The following CROCC variants were observed in gnomAD, a reference collection of about 807,000 sequenced individuals.
CROCC encodes rootletin.
In CROCC, 180 loss-of-function variants were observed where a neutral mutation model predicts 245.2. The observed-to-expected ratio is 0.73, with a 90% CI of 0.65 to 0.83. The LOEUF is 0.83. CROCC is among the 40% of genes least tolerant of loss of function. CROCC has a pLI of 0.00. For missense variants in CROCC, 2,688 were observed against 2,779.4 expected (o/e 0.97, Z 0.74); for synonymous variants, 1,205 against 1,241.6 (o/e 0.97, Z 0.62).
upstream of CROCC, among the ~76,000 whole-genome samples, chr1:16,920,813 G>C (rs1380919966): frequency 1.2e-4 from 18 of 146,796 alleles, no homozygotes; most frequent in Admixed American, 1.2e-3. Flanking sequence ...GCGCGATCTT[G>C]GCTCACTGCA....
chr1:16,956,814 C>T (rs531630618), intron 25 of CROCC, among the ~76,000 whole-genome samples: 8 of 152,096 alleles, frequency 5.3e-5, no homozygotes, highest in East Asian at 3.9e-4. Context: ...TTCGCTGACC[C>T]GTGAATTCGA....
At chr1:16,970,865 AC>A in intron 35 of CROCC, 98 bp downstream of exon 35, 2 of 1,362,696 alleles carry the variant, frequency 1.5e-6, no homozygotes, top group Non-Finnish European at 1.9e-6. Flanking sequence ...AGGGCCCATA[AC>A]CCCCTCCCCC....
Position 16,972,473 on chromosome 1 carries a change from C to T in CROCC, c.*27C>T. 1.3e-6 allele frequency: 2 copies of T among 1,583,894 alleles called. No homozygotes were observed. Among genetic ancestry groups the T allele is most frequent in the Admixed American group, 1.7e-5 (1 of 58,754 alleles). On this transcript the variant is annotated 3_prime_UTR_variant, in exon 37 of 37. Transcript: ENST00000375541. Reference sequence around the variant, plus strand: ...CTCCTGCTGGCATCTGGAGAACACCCCTGTGCCTGGGACAGGGGAGGACCC... The same window carrying T: ...CTCCTGCTGGCATCTGGAGAACACCTCTGTGCCTGGGACAGGGGAGGACCC...
At chr1:16,942,756 TA>T (rs1181133391) in intron 13 of CROCC, among the ~76,000 whole-genome samples, 1 of 152,276 alleles carries the variant, frequency 6.6e-6, no homozygotes, top group African/African-American at 2.4e-5. Context: ...AAGGTCTTTT[TA>T]AGCAGTTGTG....
rs142953060 is a variant in CROCC, at chr1:16,930,481, G to C, written c.736G>C (p.Ala246Pro). 5.6e-4 allele frequency: 897 copies of C among 1,612,328 alleles called. No homozygotes were observed. The highest frequency in any genetic ancestry group is 5.6e-4 in the Non-Finnish European group (661 of 1,179,750). Residue 246 changes from alanine to proline, a missense_variant, in exon 7 of 37, where the codon GCA becomes CCA. This residue lies in a region of CROCC where 972 missense variants were observed against 895.3 expected (regional missense o/e 1.09). Transcript: ENST00000375541. ...CATGCTCCGAGAACAGCTGGACCAG[G>C]CAGGCTCGGCCAACCAGGCTCTGAG... ...NAMLREQLDQ[A>P]GSANQALSED...
chr1:16,923,775 G>A (rs1466777309), intron 2 of CROCC, among the ~76,000 whole-genome samples: 4 of 144,296 alleles, frequency 2.8e-5, no homozygotes, highest in African/African-American at 7.7e-5. Context: ...CCACCTCCCC[G>A]GTTCAAGTGA....
Position 16,939,160 on chromosome 1 carries a change from C to T in CROCC, c.1608+18C>T, listed in dbSNP as rs748060981. On this transcript the variant is annotated intron_variant, in intron 12 of 36. Coordinates refer to ENST00000375541, the MANE Select transcript of CROCC (RefSeq NM_014675.5). ...AGGTCCAGGTAGGAAGGGGCTTGAG[C>T]GTTCTGGGCGCAGCCAGAGGCCTGG... 1.5e-6 allele frequency: 2 copies of T among 1,333,038 alleles called. No homozygotes were observed. The highest frequency in any genetic ancestry group is 1.5e-5 in the South Asian group (1 of 67,012). The allele number at this position is 1,333,038 out of a possible 1,614,324, so 82.6% of individuals were successfully genotyped here.
chr1:16,955,924 G>A (rs1344853341), intron 24 of CROCC, 73 bp from the exon 25 acceptor site: 2 of 1,525,700 alleles, frequency 1.3e-6, no homozygotes, highest in East Asian at 4.9e-5. Flanking sequence ...AGAAATTGGA[G>A]GAGACGGCTT....
At chr1:16,944,971 G>A (rs1488233429) in intron 14 of CROCC, among the ~76,000 whole-genome samples, 12 of 152,268 alleles carry the variant, frequency 7.9e-5, no homozygotes, top group Admixed American at 1.3e-4. Context: ...AGTGGCTCAC[G>A]CCTGTAATCC....
rs370391460 is a variant in CROCC at position 16,938,998 on chromosome 1, G to A, written c.1464G>A (p.Ser488=). Residue 488 remains serine, a synonymous_variant, in exon 12 of 37, where the codon TCG becomes TCA. Transcript: ENST00000375541. ...DASNGSLRGL[S]GQRTPSPPRR... ...CCAACGGCAGCCTGCGGGGGCTCTC[G>A]GGCCAGCGGACCCCGTCCCCACCGC... 1,963 of 1,603,486 alleles carry A rather than the reference G, an allele frequency of 1.2e-3. No homozygotes were observed. The African/African-American group carries it at 0.022, about 18-fold the overall frequency.
At chr1:16,971,089 G>A (rs931660121) in intron 35 of CROCC, 11 of 444,648 alleles carry the variant, frequency 2.5e-5, no homozygotes, top group African/African-American at 2.2e-4. Flanking sequence ...TTATGAATAT[G>A]TGTTTGTGTA....
In CROCC at chr1:16,958,701, G is replaced by T; in HGVS notation, c.3983G>T (p.Arg1328Leu). ...AGCAGGCGGGAGACCCTGGGCCTCCGGCAGAGGCTGCTGAAGGGCGAGGCC... is the reference window on the plus strand; with the variant it reads ...AGCAGGCGGGAGACCCTGGGCCTCCTGCAGAGGCTGCTGAAGGGCGAGGCC... Reference protein sequence around the residue: ...KESRRETLGLRQRLLKGEASL... With the variant: ...KESRRETLGLLQRLLKGEASL... Residue 1328 changes from arginine (R) to leucine (L), a missense_variant, in exon 26 of 37, where the codon CGG (arginine) becomes CTG (leucine). By Grantham distance (102) the Arg-to-Leu change is moderately radical. This residue lies in a region of CROCC where 1,218 missense variants were observed against 1,286.3 expected (regional missense o/e 0.95). Coordinates refer to ENST00000375541, the MANE Select transcript of CROCC (RefSeq NM_014675.5). The T allele has an allele frequency of 6.4e-7, 1 of 1,560,486 alleles. No homozygotes were observed. Among genetic ancestry groups the T allele is most frequent in the East Asian group, 2.4e-5 (1 of 42,132 alleles).
At chr1:16,925,254 A>G (rs1351940177) in intron 3 of CROCC, among the ~76,000 whole-genome samples, 1 of 152,272 alleles carries the variant, frequency 6.6e-6, no homozygotes, top group Non-Finnish European at 1.5e-5. Flanking sequence ...TAACGTATTA[A>G]CAGTAGCTAC....
chr1:16,955,641 C>A, intron 24 of CROCC, 91 bp downstream of exon 24: 2 of 1,147,862 alleles, frequency 1.7e-6, no homozygotes, highest in Non-Finnish European at 2.4e-6. Context: ...GGAAATTGCC[C>A]AGATACGGAT....
At chr1:16,915,134 T>A (rs1280796112) in intron 1 of CROCC, among the ~76,000 whole-genome samples, 5 of 152,396 alleles carry the variant, frequency 3.3e-5, no homozygotes, top group Admixed American at 6.5e-5. Context: ...GGTCACTGCC[T>A]GGTTTTCACC....
At chr1:16,930,387 C>T (rs1372259268) in intron 6 of CROCC, 40 bp downstream of exon 6, 1 of 1,611,038 alleles carries the variant, frequency 6.2e-7, no homozygotes, top group Non-Finnish European at 8.5e-7. Flanking sequence ...GGCAGGATGG[C>T]CCCCTGCGCG....
At chr1:16,921,908 G>C, upstream of CROCC, 2 of 1,201,096 alleles carry the variant, frequency 1.7e-6, no homozygotes, top group South Asian at 1.4e-5. Context: ...CCGGATTTAA[G>C]CTTAATCTGC....
rs528230104 is a variant in CROCC, at chr1:16,931,364, G to T, written c.923G>T (p.Arg308Leu). Reference sequence around the variant, plus strand: ...TGGAGGCAGGTGGTGGGGTTCCGGCGGCTGGTCAGCGAGGTGAAGATGTTC... The same window carrying T: ...TGGAGGCAGGTGGTGGGGTTCCGGCTGCTGGTCAGCGAGGTGAAGATGTTC... ...LLWRQVVGFR[R>L]LVSEVKMFTE... Residue 308 changes from arginine (R) to leucine (L), a missense_variant, in exon 8 of 37, where the codon CGG becomes CTG. Arg to Leu is a moderately radical substitution (Grantham distance 102). Transcript: ENST00000375541. 15 of 1,612,454 alleles carry T rather than the reference G, an allele frequency of 9.3e-6. No homozygotes were observed. The East Asian group carries it at 2.9e-4, about 31-fold the overall frequency.
intron 1 of CROCC, among the ~76,000 whole-genome samples, chr1:16,915,854 T>G (rs550162674): frequency 6.6e-6 from 1 of 152,026 alleles, no homozygotes; most frequent in South Asian, 2.1e-4. Context: ...GGCCCAGAGG[T>G]GGGTGCCTGC....
Sources: gnomAD v4.1 joint callset for allele counts (sites outside exome capture counted in the v4.1 genomes callset) on GRCh38, gnomAD v4.1.1 for gene constraint, gnomAD v4.1.1 regional missense constraint, MANE v1.5 for transcripts, NCBI Gene and HGNC (gene_info 2026-07-23, HGNC 2026-07-21) for gene names.